The following COL11A1 variants were observed in gnomAD, a reference collection of about 807,000 sequenced individuals.
COL11A1 encodes collagen type XI alpha 1 chain, also known as collagen alpha-1(XI) chain.
In COL11A1, 74 loss-of-function variants were observed where a neutral mutation model predicts 265.2. The ratio of observed to expected loss-of-function variants is 0.28; its 90% CI spans 0.23 to 0.34. The LOEUF (loss-of-function observed/expected upper bound fraction) is 0.34. Ranked by LOEUF, COL11A1 falls within the 10% of genes least tolerant of loss-of-function variation. The probability of loss-of-function intolerance (pLI) is 1.00; values close to 1 mark genes in which losing one functional copy is unlikely to be tolerated. For missense variants in COL11A1, 2,165 were observed against 2,263.6 expected, an observed-to-expected ratio of 0.96 and a Z score of 0.88; for synonymous variants, 816 against 727.6, an observed-to-expected ratio of 1.12 and a Z score of -1.96.
intron 4 of COL11A1, among the ~76,000 whole-genome samples, chr1:103,037,020 ACTAT>A (rs1175351437): frequency 2.1e-5 from 3 of 142,674 alleles, no homozygotes; most frequent in African/African-American, 8.0e-5. Context: ...AAAGGATCTC[ACTAT>A]TTTTTTTATC....
At chr1:102,932,325 A>G (rs1657568493) in intron 46 of COL11A1, among the ~76,000 whole-genome samples, 1 of 151,800 alleles carries the variant, frequency 6.6e-6, no homozygotes, top group African/African-American at 2.4e-5. Context: ...TTGTCTGTAA[A>G]GGATTTTATT....
intron 44 of COL11A1, among the ~76,000 whole-genome samples, chr1:102,937,182 C>T (rs971208704): frequency 6.6e-6 from 1 of 151,952 alleles, no homozygotes; most frequent in African/African-American, 2.4e-5. Flanking sequence ...ATGATAGTAA[C>T]CCACATAGAC....
At chr1:102,879,596 T>C in intron 66 of COL11A1, 87 bp downstream of exon 66, 1 of 1,150,610 alleles carries the variant, frequency 8.7e-7, no homozygotes, top group Non-Finnish European at 1.3e-6. Context: ...GTCCATTTCA[T>C]GAGAAAAATC....
At position 103,012,572 on chromosome 1, in the gene COL11A1, C is replaced by T. The variant is rs755665952; in HGVS notation, c.1573-103G>A. The T allele has an allele frequency of 8.5e-5, 72 of 843,202 alleles. No individual in the cohort carries two copies. In the Middle Eastern group the frequency reaches 6.7e-3, roughly 78 times the overall value. The allele number at this position is 843,202 out of a possible 1,614,324, so 52.2% of individuals were successfully genotyped here. ...CTGCCCTTAAGTAATACATGATCAA[C>T]ACAGATTTAATAACTACATGCTAGA... On this transcript the variant is annotated intron_variant, in intron 13 of 66. Transcript: ENST00000370096.
At chr1:103,088,764 C>T (rs1410072342) in intron 1 of COL11A1, among the ~76,000 whole-genome samples, 1 of 152,100 alleles carries the variant, frequency 6.6e-6, no homozygotes, top group East Asian at 1.9e-4. Context: ...AAAGAAACAG[C>T]AGATATGGTA....
At chr1:102,959,083 T>C (rs191335395) in intron 41 of COL11A1, among the ~76,000 whole-genome samples, 2 of 152,210 alleles carry the variant, frequency 1.3e-5, no homozygotes, top group African/African-American at 2.4e-5. Context: ...AATGTTGACA[T>C]TGGTCACTGG....
chr1:102,882,051 A>C (rs190573627), intron 64 of COL11A1, among the ~76,000 whole-genome samples: 1 of 152,126 alleles, frequency 6.6e-6, no homozygotes, highest in East Asian at 1.9e-4. Context: ...ACTAAGGGTT[A>C]TAGGGGACAT....
chr1:102,997,605 A>G (rs1664749231), intron 25 of COL11A1, among the ~76,000 whole-genome samples: 1 of 151,988 alleles, frequency 6.6e-6, no homozygotes, highest in Admixed American at 6.6e-5. Flanking sequence ...CAGTAAATAA[A>G]AATGTATAGC....
chr1:103,086,267 G>GA (rs1369235782), intron 1 of COL11A1, among the ~76,000 whole-genome samples: 1 of 151,830 alleles, frequency 6.6e-6, no homozygotes, highest in Non-Finnish European at 1.5e-5. Flanking sequence ...ACTGAATAAA[G>GA]ACTTGAGGAT....
intron 4 of COL11A1, among the ~76,000 whole-genome samples, chr1:103,055,632 A>C (rs1190193983): frequency 6.6e-6 from 1 of 152,204 alleles, no homozygotes; most frequent in Non-Finnish European, 1.5e-5. Flanking sequence ...TTAATGGTAT[A>C]CATTAAGCTT....
chr1:102,961,792 A>C (rs1557875689), intron 41 of COL11A1, 74 bp downstream of exon 41: 2 of 1,354,850 alleles, frequency 1.5e-6, no homozygotes, highest in African/African-American at 1.4e-5. Flanking sequence ...GTGGAATCAC[A>C]GCATGAGAGT....
chr1:102,979,113 G>A lies in COL11A1; in HGVS notation c.2611-9C>T, dbSNP rs1485078930. 6.2e-7 allele frequency: 1 copy of A among 1,613,898 alleles called. No individual in the cohort carries two copies. Among genetic ancestry groups the A allele is most frequent in the Non-Finnish European group, 8.5e-7 (1 of 1,179,828 alleles). On this transcript the variant is annotated splice_polypyrimidine_tract_variant and intron_variant, in intron 32 of 66. Coordinates refer to ENST00000370096, the MANE Select transcript of COL11A1 (RefSeq NM_001854.4). ...GGTTTGCCAGCTACTCCCTAGCAAA[G>A]ACAGTTCAATTTCAATATGCAGTAT...
intron 9 of COL11A1, among the ~76,000 whole-genome samples, chr1:103,019,920 A>ATCAT (rs1224973578): frequency 6.7e-6 from 1 of 148,318 alleles, no homozygotes; most frequent in Non-Finnish European, 1.5e-5. Flanking sequence ...ACATGAACTC[A>ATCAT]TCATTTTTTA....
At chr1:103,106,838 C>CATTAGGGAGAGCTCAG (rs1674730961) in intron 1 of COL11A1, among the ~76,000 whole-genome samples, 2 of 152,128 alleles carry the variant, frequency 1.3e-5, no homozygotes, top group African/African-American at 4.8e-5. Flanking sequence ...GGCTGACTCT[C>CATTAGGGAGAGCTCAG]ATTAGGGAGA....
At chr1:103,090,122 A>AAAATAAAT (rs545742023) in intron 1 of COL11A1, among the ~76,000 whole-genome samples, 3 of 151,658 alleles carry the variant, frequency 2.0e-5, no homozygotes, top group Admixed American at 1.3e-4. Context: ...GCTTTGTCTC[A>AAAATAAAT]AAATAAATAA....
chr1:103,005,774 ATTG>A, intron 18 of COL11A1, 61 bp downstream of exon 18: 1 of 1,589,248 alleles, frequency 6.3e-7, no homozygotes, highest in Non-Finnish European at 8.6e-7. Flanking sequence ...GATTTTGCAA[ATTG>A]TTATCAATTC....
At chr1:103,015,209 T>C (rs923222601) in intron 12 of COL11A1, among the ~76,000 whole-genome samples, 8 of 152,022 alleles carry the variant, frequency 5.3e-5, no homozygotes, top group African/African-American at 1.7e-4. Context: ...AAATAAAATA[T>C]GCATTTTTTT....
At chr1:102,975,635 G>C (rs1662395972) in intron 35 of COL11A1, among the ~76,000 whole-genome samples, 1 of 152,050 alleles carries the variant, frequency 6.6e-6, no homozygotes, top group Non-Finnish European at 1.5e-5. Context: ...ATTGTTGGCA[G>C]AAAAAGTAAT....
At chr1:103,050,602 G>A (rs1039755989) in intron 4 of COL11A1, among the ~76,000 whole-genome samples, 5 of 152,062 alleles carry the variant, frequency 3.3e-5, no homozygotes, top group Non-Finnish European at 5.9e-5. Context: ...CTCTCAACTC[G>A]TCAAAGTCAT....
Sources: allele counts gnomAD v4.1 joint callset (sites outside exome capture counted in the v4.1 genomes callset), GRCh38; gene constraint gnomAD v4.1.1; transcripts MANE v1.5; gene names NCBI Gene and HGNC (gene_info 2026-07-23, HGNC 2026-07-21).